The following ARHGAP26 variants were observed in gnomAD, a reference collection of about 807,000 sequenced individuals.
The protein encoded by ARHGAP26 is rho GTPase-activating protein 26.
Under a neutral mutation model 104.8 loss-of-function variants are expected in ARHGAP26, and 38 were observed. The ratio of observed to expected loss-of-function variants is 0.36; its 90% confidence interval spans 0.28 to 0.48. The LOEUF (loss-of-function observed/expected upper bound fraction) is 0.48. ARHGAP26 is among the 20% of genes least tolerant of loss of function. The probability of loss-of-function intolerance (pLI) is 0.99; values close to 1 mark genes in which losing one functional copy is unlikely to be tolerated. For synonymous variants in ARHGAP26, 341 were observed against 340.0 expected (o/e 1.00, Z -0.03); for missense variants, 704 against 947.9 (o/e 0.74, Z 3.38).
intron 22 of ARHGAP26, chr5:143,216,516 C>T: frequency 3.1e-6 from 1 of 324,306 alleles, no homozygotes; most frequent in South Asian, 2.5e-5. Flanking sequence ...CAAACTATGA[C>T]CTGCCCGTCA....
At chr5:142,811,267 C>G (rs1231133692) in intron 1 of ARHGAP26, among the ~76,000 whole-genome samples, 1 of 152,144 alleles carries the variant, frequency 6.6e-6, no homozygotes. Context: ...TAACTTCACT[C>G]TGTATGCTGG....
At chr5:143,141,823 C>T (rs934742435) in intron 19 of ARHGAP26, among the ~76,000 whole-genome samples, 1 of 152,172 alleles carries the variant, frequency 6.6e-6, no homozygotes, top group South Asian at 2.1e-4. Flanking sequence ...CATCAGAGGC[C>T]CATTCCTCCT....
chr5:142,978,248 T>A (rs954765807), intron 11 of ARHGAP26, among the ~76,000 whole-genome samples: 2 of 152,220 alleles, frequency 1.3e-5, no homozygotes, highest in Admixed American at 1.3e-4. Flanking sequence ...AAGCATGTCC[T>A]CTTTCCTCAA....
intron 11 of ARHGAP26, among the ~76,000 whole-genome samples, chr5:142,950,279 C>T (rs1768109779): frequency 1.3e-5 from 2 of 152,074 alleles, no homozygotes; most frequent in South Asian, 4.1e-4. Flanking sequence ...GGGATGTCTT[C>T]AGTCTCATCA....
intron 11 of ARHGAP26, among the ~76,000 whole-genome samples, chr5:142,963,198 A>ATATGTGTGTGTGTG (rs869247749): frequency 3.1e-5 from 3 of 98,334 alleles, no homozygotes; most frequent in African/African-American, 1.8e-4. Context: ...ATATATATAT[A>ATATGTGTGTGTGTG]TGTGTGTGTG....
intron 1 of ARHGAP26, among the ~76,000 whole-genome samples, chr5:142,811,863 A>G (rs1225693121): frequency 1.3e-5 from 2 of 152,164 alleles, no homozygotes; most frequent in Non-Finnish European, 2.9e-5. Context: ...GTAGCACCCA[A>G]CTGAAATATT....
intron 20 of ARHGAP26, among the ~76,000 whole-genome samples, chr5:143,183,124 G>A (rs1804639120): frequency 6.7e-6 from 1 of 148,670 alleles, no homozygotes; most frequent in East Asian, 2.0e-4. Flanking sequence ...TCCTAGATAA[G>A]GCCTGTAGGG....
intron 5 of ARHGAP26, among the ~76,000 whole-genome samples, chr5:142,890,151 A>AAAAAATAT (rs1252590997): frequency 1.5e-4 from 5 of 32,426 alleles, no homozygotes; most frequent in African/African-American, 3.5e-4. Context: ...AAAAAAAAAA[A>AAAAAATAT]ATATATATAT....
At chr5:143,177,618 T>C (rs1803672345) in intron 20 of ARHGAP26, among the ~76,000 whole-genome samples, 1 of 152,230 alleles carries the variant, frequency 6.6e-6, no homozygotes, top group African/African-American at 2.4e-5. Context: ...GGCACTGCTG[T>C]CAGGAATAAC....
intron 18 of ARHGAP26, among the ~76,000 whole-genome samples, chr5:143,129,491 C>T (rs1797083989): frequency 6.6e-6 from 1 of 152,164 alleles, no homozygotes; most frequent in Non-Finnish European, 1.5e-5. Flanking sequence ...TATGTCTTCC[C>T]ATTTTGTCCT....
chr5:143,119,660 A>G (rs1285561020), intron 17 of ARHGAP26, among the ~76,000 whole-genome samples: 1 of 152,202 alleles, frequency 6.6e-6, no homozygotes, highest in Non-Finnish European at 1.5e-5. Flanking sequence ...TCCCTGCTGC[A>G]GGTGTTGCTT....
At chr5:143,214,404 A>T (rs530531258) in intron 22 of ARHGAP26, among the ~76,000 whole-genome samples, 3 of 152,230 alleles carry the variant, frequency 2.0e-5, no homozygotes, top group African/African-American at 7.2e-5. Flanking sequence ...GAGATCATAC[A>T]CATCACATGT....
rs10045807 is a variant in ARHGAP26, at chr5:142,939,314, G to T, written c.1107+7189G>T. ...TTTACTTTTTAAGTAGAGTTACTCT[G>T]CTGTGGCTACTGCAGTGGATGAAGG... On this transcript the variant is annotated intron_variant, in intron 11 of 22. Coordinates refer to ENST00000645722, the MANE Select transcript of ARHGAP26 (RefSeq NM_001135608.3). Among the ~76,000 whole-genome samples the T allele has an allele frequency of 4.6e-3, 698 of 152,290 alleles. 3 individuals carry two copies. Among genetic ancestry groups the T allele is most frequent in the African/African-American group, 0.016 (679 of 41,550 alleles).
At chr5:142,852,850 C>T (rs1751757035) in intron 1 of ARHGAP26, among the ~76,000 whole-genome samples, 1 of 152,262 alleles carries the variant, frequency 6.6e-6, no homozygotes, top group Non-Finnish European at 1.5e-5. Flanking sequence ...GTGTGTCGCT[C>T]TGCCTGCAGT....
In ARHGAP26 at chr5:143,227,516, A is replaced by T. The variant is rs1811765473; in HGVS notation, c.*5070A>T. ...TGAACCGCCTCTCTGTAATTGTAGC[A>T]TCAAAATGACAACAGCAGCAGAGCA... On this transcript the variant is annotated 3_prime_UTR_variant, in exon 23 of 23. Coordinates refer to ENST00000645722, the MANE Select transcript of ARHGAP26 (RefSeq NM_001135608.3). 8.7e-6 allele frequency: 2 copies of T among 230,760 alleles called. No homozygotes were observed. The highest frequency in any genetic ancestry group is 1.7e-5 in the Non-Finnish European group (2 of 116,566). 14.3% of individuals were successfully genotyped at this position (230,760 alleles called of 1,614,324 possible).
At chr5:143,103,784 G>A (rs1276436098) in intron 17 of ARHGAP26, among the ~76,000 whole-genome samples, 3 of 152,096 alleles carry the variant, frequency 2.0e-5, no homozygotes, top group Non-Finnish European at 4.4e-5. Context: ...AGCATACACC[G>A]GGACCTAACA....
chr5:143,055,899 T>C, intron 15 of ARHGAP26, 129 bp from the exon 16 acceptor site: 1 of 629,390 alleles, frequency 1.6e-6, no homozygotes, highest in South Asian at 2.4e-5. Flanking sequence ...GAAACTACAT[T>C]GTTATTGTTT....
At chr5:142,960,789 C>T (rs1770100585) in intron 11 of ARHGAP26, among the ~76,000 whole-genome samples, 1 of 152,232 alleles carries the variant, frequency 6.6e-6, no homozygotes, top group African/African-American at 2.4e-5. Context: ...AGAAAGGCAG[C>T]CCCACTGGCC....
Position 142,913,195 on chromosome 5 carries a change from C to G in ARHGAP26, c.934-4C>G. On this transcript the variant is annotated splice_polypyrimidine_tract_variant and splice_region_variant and intron_variant, in intron 9 of 22. Coordinates refer to ENST00000645722, the MANE Select transcript of ARHGAP26 (RefSeq NM_001135608.3). Reference sequence around the variant, plus strand: ...CATCTTGATAGTCTGTGTGTTCCCACTAGGGAGAAGATGAATCAGTTATCC... The same window carrying G: ...CATCTTGATAGTCTGTGTGTTCCCAGTAGGGAGAAGATGAATCAGTTATCC... 1 of 1,613,568 alleles carries G rather than the reference C, an allele frequency of 6.2e-7. No individual in the cohort carries two copies. The highest frequency in any genetic ancestry group is 8.5e-7 in the Non-Finnish European group (1 of 1,179,508).
Sources: allele counts gnomAD v4.1 joint callset (sites outside exome capture counted in the v4.1 genomes callset), GRCh38; gene constraint gnomAD v4.1.1; transcripts MANE v1.5; gene names NCBI Gene and HGNC (gene_info 2026-07-23, HGNC 2026-07-21).